RAD1: variants seen among roughly 807,000 people sequenced by gnomAD.
RAD1 encodes the protein cell cycle checkpoint protein RAD1.
A neutral mutation model predicts 30.0 loss-of-function variants in RAD1; 21 were observed. That is an observed-to-expected ratio of 0.70 (90% CI 0.50 to 1.01). The LOEUF (loss-of-function observed/expected upper bound fraction) is 1.01. Among genes scored for constraint, RAD1 ranks in the 50% least tolerant of loss-of-function variants. The pLI is 0.00. For missense variants in RAD1, 329 were observed against 329.0 expected (o/e 1.00, Z 0.00); for synonymous variants, 109 against 113.6 (o/e 0.96, Z 0.26).
At chr5:34,915,331 G>T in intron 1 of RAD1, 85 bp downstream of exon 1, 1 of 250,218 alleles carries the variant, frequency 4.0e-6, no homozygotes, top group East Asian at 9.6e-5. Context: ...AATCCTCCAA[G>T]AGTCCCAGAC....
intron 4 of RAD1, among the ~76,000 whole-genome samples, chr5:34,910,688 A>G (rs749651816): frequency 6.6e-6 from 1 of 152,128 alleles, no homozygotes. Flanking sequence ...TCGGCCTCCC[A>G]AAGTGCTGGG....
chr5:34,909,889 A>G (rs2069476), intron 4 of RAD1, among the ~76,000 whole-genome samples: 13,445 of 152,244 alleles, frequency 0.088, 637 homozygotes, highest in African/African-American at 0.11. Flanking sequence ...TTGCTGCAGG[A>G]TTAGCACGTT....
chr5:34,909,074 TTC>T (rs547252526), intron 5 of RAD1, 126 bp from the exon 6 acceptor site: 64 of 1,060,628 alleles, frequency 6.0e-5, no homozygotes, highest in East Asian at 5.6e-4. Flanking sequence ...TGCTAATATT[TTC>T]TGTTTTAAAA....
At chr5:34,909,212 A>G (rs767621477) in intron 5 of RAD1, 46 bp downstream of exon 5, 36 of 1,375,124 alleles carry the variant, frequency 2.6e-5, no homozygotes, top group Non-Finnish European at 3.4e-5. Flanking sequence ...TCTGGTATTT[A>G]ACCTCCTCTT....
rs1486379599 is a variant in RAD1, at chr5:34,908,723, T to C, written c.*42A>G. On this transcript the variant is annotated 3_prime_UTR_variant, in exon 6 of 6. Transcript: ENST00000382038. ...TACTGTACTCAGAATAAGAACTTCA[T>C]CTATCATAAATGTACACATAAATAT... 1.3e-6 allele frequency: 2 copies of C among 1,488,670 alleles called. No individual in the cohort carries two copies. Among genetic ancestry groups the C allele is most frequent in the African/African-American group, 2.8e-5 (2 of 70,840 alleles). 92.2% of individuals were successfully genotyped at this position (1,488,670 alleles called of 1,614,324 possible).
rs1213169567 is a variant in RAD1, at chr5:34,907,556, T to TA, written c.*1208dup. 2 of 152,228 alleles carry TA rather than the reference T, an allele frequency of 1.3e-5. No homozygotes were observed. Among genetic ancestry groups the TA allele is most frequent in the Non-Finnish European group, 2.9e-5 (2 of 68,046 alleles). The allele number at this position is 152,228 out of a possible 1,614,324, so 9.4% of individuals were successfully genotyped here. On this transcript the variant is annotated 3_prime_UTR_variant, in exon 6 of 6. Transcript: ENST00000382038. ...AAATATATTTATATGCCACAAAAAT[T>TA]ATTTTAGTGACAACTACCAGGAAAG...
rs2111942689 is a variant in RAD1, at chr5:34,911,685, A to G, written c.435T>C (p.Phe145=). Residue 145 remains phenylalanine (F), a synonymous_variant, in exon 4 of 6, where the codon TTT becomes TTC. Coordinates refer to ENST00000382038, the MANE Select transcript of RAD1 (RefSeq NM_002853.4). The part of the protein sequence containing the change: ...NTQEPEETLD[F]DFCSTNVINK... ...TAATAACATTGGTGCTGCAGAAATC[A>G]AAGTCCAGGGTCTCCTCAGGTTCCT... The G allele has an allele frequency of 1.9e-6, 3 of 1,614,144 alleles. No individual in the cohort carries two copies. The highest frequency in any genetic ancestry group is 2.5e-6 in the Non-Finnish European group (3 of 1,180,032).
At position 34,907,979 on chromosome 5, in the gene RAD1, T is replaced by A. The variant is rs541809461; in HGVS notation, c.*786A>T. 6.6e-6 allele frequency: 1 copy of A among 152,262 alleles called. No individual in the cohort carries two copies. The highest frequency in any genetic ancestry group is 1.9e-4 in the East Asian group (1 of 5,194). 9.4% of individuals were successfully genotyped at this position (152,262 alleles called of 1,614,324 possible). A position where few individuals can be genotyped will look rare whatever the true frequency, so the allele number is the denominator to read the frequency against. On this transcript the variant is annotated 3_prime_UTR_variant, in exon 6 of 6. Transcript: ENST00000382038. ...GTTAAAATACAGAATGCTGGCCTCC[T>A]CCCCAGAGTTTGCTACAAGTTTGCA...
At chr5:34,915,099 T>A in intron 1 of RAD1, 138 bp from the exon 2 acceptor site, 1 of 576,386 alleles carries the variant, frequency 1.7e-6, no homozygotes, top group Non-Finnish European at 3.1e-6. Context: ...CTTAACTATC[T>A]TTGTAATTCT....
chr5:34,914,006 G>T, intron 2 of RAD1: 1 of 456,722 alleles, frequency 2.2e-6, no homozygotes, highest in Non-Finnish European at 4.4e-6. Context: ...AAATACAGGT[G>T]TGAGCCACCA....
rs779452724 is a variant in RAD1 at position 34,908,795 on chromosome 5, AG to A, written c.818del (p.Pro273LeufsTer52). 3 of 1,604,660 alleles carry A rather than the reference AG, an allele frequency of 1.9e-6. No homozygotes were observed. The African/African-American group carries it at 4.0e-5, about 22-fold the overall frequency. On this transcript the variant is annotated frameshift_variant, in exon 6 of 6. Transcript: ENST00000382038. LOFTEE classifies it high-confidence loss of function. ...QICFVEYYCC[P>X]DEEVPESES ...ACTCAGATTCAGGAACTTCTTCATC[AG>A]GGCAGCAGTAATATTCCACAAAACA...
In RAD1 at chr5:34,908,801, G is replaced by A; in HGVS notation, c.813C>T (p.Cys271=). 2 of 1,609,958 alleles carry A rather than the reference G, an allele frequency of 1.2e-6. No homozygotes were observed. The highest frequency in any genetic ancestry group is 1.7e-6 in the Non-Finnish European group (2 of 1,179,000). The change falls in exon 6 of 6, where the codon TGC becomes TGT. Residue 271 remains cysteine (C), a synonymous_variant. Transcript: ENST00000382038. ...DGQICFVEYY[C]CPDEEVPESE... ...ATTCAGGAACTTCTTCATCAGGGCA[G>A]CAGTAATATTCCACAAAACATATTT...
chr5:34,911,571 A>G lies in RAD1; in HGVS notation c.549T>C (p.Pro183=), dbSNP rs1580506982. ...TCAAGTACCTGAAATAAGGCTTGTC[A>G]GGAGACATGGTAATTTGTAGGACTT... is the stretch of plus-strand genomic sequence containing the variant. ...TSEVLQITMS[P]DKPYFRLSTF... Residue 183 remains proline (P), a synonymous_variant, in exon 4 of 6, where the codon CCT becomes CCC. Transcript: ENST00000382038. 3 of 1,614,082 alleles carry G rather than the reference A, an allele frequency of 1.9e-6. No homozygotes were observed. The highest frequency in any genetic ancestry group is 2.5e-6 in the Non-Finnish European group (3 of 1,180,022).
In RAD1 at chr5:34,914,979, T is replaced by G; in HGVS notation, c.-69-18A>C. 1 of 1,437,356 alleles carries G rather than the reference T, an allele frequency of 7.0e-7. No homozygotes were observed. Among genetic ancestry groups the G allele is most frequent in the Non-Finnish European group, 9.6e-7 (1 of 1,042,450 alleles). 89.0% of individuals were successfully genotyped at this position (1,437,356 alleles called of 1,614,324 possible). A position where few individuals can be genotyped will look rare whatever the true frequency, so the allele number is the denominator to read the frequency against. On this transcript the variant is annotated intron_variant, in intron 1 of 5. Transcript: ENST00000382038. ...CCAAACACCTGAAGGGATTAGACAG[T>G]AAAACTCCCATCAGTGCTGGCGAGG... is the stretch of plus-strand genomic sequence containing the variant.
chr5:34,908,697 G>T lies in RAD1; in HGVS notation c.*68C>A. On this transcript the variant is annotated 3_prime_UTR_variant, in exon 6 of 6. Coordinates refer to ENST00000382038, the MANE Select transcript of RAD1 (RefSeq NM_002853.4). ...AAAATCCAATATGAAATGACAAAGA[G>T]TACTGTACTCAGAATAAGAACTTCA... 1 of 1,357,836 alleles carries T rather than the reference G, an allele frequency of 7.4e-7. No individual in the cohort carries two copies. Among genetic ancestry groups the T allele is most frequent in the Non-Finnish European group, 1.0e-6 (1 of 989,718 alleles). The allele number at this position is 1,357,836 out of a possible 1,614,324, so 84.1% of individuals were successfully genotyped here. A position where few individuals can be genotyped will look rare whatever the true frequency, so the allele number is the denominator to read the frequency against.
At chr5:34,909,000 A>G in intron 5 of RAD1, 52 bp from the exon 6 acceptor site, 1 of 1,412,246 alleles carries the variant, frequency 7.1e-7, no homozygotes, top group South Asian at 1.2e-5. Flanking sequence ...AACACTGCTC[A>G]GAACTCCCAA....
intron 3 of RAD1, among the ~76,000 whole-genome samples, chr5:34,912,676 TAACA>T (rs1763883615): frequency 1.3e-5 from 2 of 152,096 alleles, no homozygotes. Context: ...AAAATTCCCT[TAACA>T]AATAAAAAAA....
In RAD1 at chr5:34,913,512, G is replaced by A. The variant is rs1333175974; in HGVS notation, c.265C>T (p.Leu89Phe). The A allele has an allele frequency of 3.1e-6, 5 of 1,602,706 alleles. No individual in the cohort carries two copies. Among genetic ancestry groups the A allele is most frequent in the Non-Finnish European group, 4.3e-6 (5 of 1,172,944 alleles). The change falls in exon 3 of 6, where the codon CTT becomes TTT. Residue 89 changes from leucine (L) to phenylalanine (F), a missense_variant. Physicochemically the swap from Leu to Phe is conservative, Grantham distance 22. Coordinates refer to ENST00000382038, the MANE Select transcript of RAD1 (RefSeq NM_002853.4). Reference sequence around the variant, plus strand: ...CCAAAAATAGATAAACAGTCTAAAAGGACAGTTAAATTAATTCGAAAAGTA... The same window carrying A: ...CCAAAAATAGATAAACAGTCTAAAAAGACAGTTAAATTAATTCGAAAAGTA... The part of the protein sequence containing the change: ...SVTFRINLTV[L>F]LDCLSIFGSS...
In RAD1 at chr5:34,906,527, T is replaced by A. The variant is rs372730563; in HGVS notation, c.*2238A>T. 5 of 152,046 alleles carry A rather than the reference T, an allele frequency of 3.3e-5. No homozygotes were observed. Among genetic ancestry groups the A allele is most frequent in the African/African-American group, 1.2e-4 (5 of 41,384 alleles). The allele number at this position is 152,046 out of a possible 1,614,324, so 9.4% of individuals were successfully genotyped here. A position where few individuals can be genotyped will look rare whatever the true frequency, so the allele number is the denominator to read the frequency against. On this transcript the variant is annotated 3_prime_UTR_variant, in exon 6 of 6. Coordinates refer to ENST00000382038, the MANE Select transcript of RAD1 (RefSeq NM_002853.4). ...GGAGGCATGCACCTGTAGTCGTAGC[T>A]ATTTGGGAAGCTGAGATGGGAGGAT...
Sources: gnomAD v4.1 joint callset for allele counts (sites outside exome capture counted in the v4.1 genomes callset) on GRCh38, gnomAD v4.1.1 for gene constraint, MANE v1.5 for transcripts, NCBI Gene and HGNC (gene_info 2026-07-23, HGNC 2026-07-21) for gene names.